PIDD1: variants seen among roughly 807,000 people sequenced by gnomAD.
PIDD1 encodes p53-induced death domain protein 1, also known as p53-induced death domain-containing protein 1.
PIDD1 carries 72 observed loss-of-function variants against 80.0 expected under a neutral mutation model. That is an observed-to-expected ratio of 0.90 (90% CI 0.74 to 1.09). PIDD1 has a LOEUF of 1.09. Ranked by LOEUF, PIDD1 falls within the 50% of genes least tolerant of loss-of-function variation. PIDD1 has a pLI of 0.00. For missense variants in PIDD1, 1,329 were observed against 1,228.3 expected (o/e 1.08, Z -1.23); for synonymous variants, 655 against 543.5 (o/e 1.21, Z -2.85).
chr11:803,917 G>T (rs1331497242), intron 2 of PIDD1, 177 bp downstream of exon 2: 6 of 737,616 alleles, frequency 8.1e-6, no homozygotes, highest in Non-Finnish European at 1.3e-5. Flanking sequence ...TGGGGGTGGT[G>T]ATCACCGAGG....
upstream of PIDD1, chr11:805,300 G>T (rs1423068090): frequency 4.7e-6 from 4 of 848,602 alleles, no homozygotes; most frequent in Non-Finnish European, 5.6e-6. Flanking sequence ...CCGCCCCCTC[G>T]GGACGCGCCC....
rs2063786791 is a variant in PIDD1, at chr11:803,157, G to A, written c.709+17C>T. The stretch of plus-strand genomic sequence containing the variant: ...CCTCCCGTGGGGCCAGTGTGTCGGG[G>A]CGCAGGGGCTACTCACCCAGAGAGG... On this transcript the variant is annotated intron_variant, in intron 3 of 15. Transcript: ENST00000347755. 1 of 1,558,368 alleles carries A rather than the reference G, an allele frequency of 6.4e-7. No homozygotes were observed. The highest frequency in any genetic ancestry group is 8.7e-7 in the Non-Finnish European group (1 of 1,143,566).
chr11:804,232 G>A lies in PIDD1; in HGVS notation c.157C>T (p.Leu53=). 2.5e-6 allele frequency: 4 copies of A among 1,612,966 alleles called. No individual in the cohort carries two copies. The highest frequency in any genetic ancestry group is 1.1e-5 in the South Asian group (1 of 91,088). Reference sequence around the variant, plus strand: ...AGCTGCAGAGGCTGCTGGACACACAGGTGCAGCAGCTGCTGGCAGCCCCCG... The same window carrying A: ...AGCTGCAGAGGCTGCTGGACACACAAGTGCAGCAGCTGCTGGCAGCCCCCG... ...YPGGCQQLLH[L]CVQQPLQLLQ... Residue 53 remains leucine, a synonymous_variant, in exon 2 of 16, where the codon CTG becomes TTG. Transcript: ENST00000347755.
In PIDD1 at chr11:804,435, C is replaced by G. The variant is rs754509687; in HGVS notation, c.-47G>C. On this transcript the variant is annotated 5_prime_UTR_variant, in exon 2 of 16. Coordinates refer to ENST00000347755, the MANE Select transcript of PIDD1 (RefSeq NM_145886.4). ...GGCCAGACATGTCCCAGCACGCAGG[C>G]AGGCCTGTCCAGGCAGCGCCCGGGG... 1.3e-6 allele frequency: 2 copies of G among 1,528,320 alleles called. No individual in the cohort carries two copies. Among genetic ancestry groups the G allele is most frequent in the Non-Finnish European group, 1.8e-6 (2 of 1,140,604 alleles). The allele number at this position is 1,528,320 out of a possible 1,614,324, so 94.7% of individuals were successfully genotyped here.
chr11:806,785 G>A (rs1418670956), upstream of PIDD1, among the ~76,000 whole-genome samples: 9 of 144,604 alleles, frequency 6.2e-5, no homozygotes, highest in Non-Finnish European at 7.8e-5. Flanking sequence ...GGGTTTCACC[G>A]TGTTACCTAG....
chr11:802,411 A>T lies in PIDD1; in HGVS notation c.975-15T>A. On this transcript the variant is annotated splice_polypyrimidine_tract_variant and intron_variant, in intron 5 of 15. Coordinates refer to ENST00000347755, the MANE Select transcript of PIDD1 (RefSeq NM_145886.4). Reference sequence around the variant, plus strand: ...TCACAGGAAAGCTGAGTGAGGAAGGAGCGAGCAACAGGTTAGACCCAGAAG... The same window carrying T: ...TCACAGGAAAGCTGAGTGAGGAAGGTGCGAGCAACAGGTTAGACCCAGAAG... 1 of 1,609,874 alleles carries T rather than the reference A, an allele frequency of 6.2e-7. No individual in the cohort carries two copies. Among genetic ancestry groups the T allele is most frequent in the Non-Finnish European group, 8.5e-7 (1 of 1,177,670 alleles).
chr11:800,604 C>T lies in PIDD1; in HGVS notation c.1980G>A (p.Val660=). The T allele has an allele frequency of 6.3e-7, 1 of 1,599,872 alleles. No individual in the cohort carries two copies. The highest frequency in any genetic ancestry group is 8.5e-7 in the Non-Finnish European group (1 of 1,176,220). ...AGAACTCTTCGCCCTCGAACATCTC[C>T]ACCGTGTCAGAGGGCTCGGGGCCCC... ...RYRGPEPSDT[V]EMFEGEEFFA... Residue 660 remains valine (V), a synonymous_variant, in exon 12 of 16, where the codon GTG becomes GTA. Coordinates refer to ENST00000347755, the MANE Select transcript of PIDD1 (RefSeq NM_145886.4).
At position 802,164 on chromosome 11, in the gene PIDD1, A is replaced by G. The variant is rs770697130; in HGVS notation, c.1176+31T>C. 3.2e-6 allele frequency: 5 copies of G among 1,568,938 alleles called. No homozygotes were observed. The South Asian group carries it at 3.5e-5, about 11-fold the overall frequency. Reference sequence around the variant, plus strand: ...CACTGCCCCTGCCATGCCCTGGCCCACACACTGCCCCCGCCACGCCCTGTC... The same window carrying G: ...CACTGCCCCTGCCATGCCCTGGCCCGCACACTGCCCCCGCCACGCCCTGTC... On this transcript the variant is annotated intron_variant, in intron 6 of 15. Coordinates refer to ENST00000347755, the MANE Select transcript of PIDD1 (RefSeq NM_145886.4).
rs377545520 is a variant in PIDD1 at position 804,410 on chromosome 11, G to A, written c.-22C>T. 7.7e-6 allele frequency: 12 copies of A among 1,564,666 alleles called. No individual in the cohort carries two copies. The East Asian group carries it at 9.0e-5, about 12-fold the overall frequency. On this transcript the variant is annotated 5_prime_UTR_variant, in exon 2 of 16. Coordinates refer to ENST00000347755, the MANE Select transcript of PIDD1 (RefSeq NM_145886.4). ...CCATCGCCCACCGACGGTCCTTGGA[G>A]GCCAGACATGTCCCAGCACGCAGGC...
Position 799,450 on chromosome 11 carries a change from C to T in PIDD1, c.2590G>A (p.Asp864Asn). 6.2e-7 allele frequency: 1 copy of T among 1,610,626 alleles called. No individual in the cohort carries two copies. Reference sequence around the variant, plus strand: ...ACTGCGCGCACCTCTTCAGCCACGTCCTGCCGGTCACTCTGCTCCAGGGCC... The same window carrying T: ...ACTGCGCGCACCTCTTCAGCCACGTTCTGCCGGTCACTCTGCTCCAGGGCC... ...VQALEQSDRQ[D>N]VAEEVRAVLE... The change falls in exon 16 of 16, where the codon GAC (aspartate) becomes AAC (asparagine). Residue 864 changes from aspartate to asparagine, a missense_variant. Physicochemically the swap from Asp to Asn is conservative, Grantham distance 23. Transcript: ENST00000347755.
At chr11:805,843 G>A (rs1371652288), upstream of PIDD1, 2 of 240,134 alleles carry the variant, frequency 8.3e-6, no homozygotes, top group Non-Finnish European at 1.3e-5. Context: ...GCTGACGCCT[G>A]TAATCCCAGC....
chr11:804,417 C>A lies in PIDD1; in HGVS notation c.-29G>T. ...CCACCGACGGTCCTTGGAGGCCAGA[C>A]ATGTCCCAGCACGCAGGCAGGCCTG... On this transcript the variant is annotated 5_prime_UTR_variant, in exon 2 of 16. An upstream start codon of the reference 5' UTR is lost. Transcript: ENST00000347755. 6.4e-7 allele frequency: 1 copy of A among 1,556,838 alleles called. No individual in the cohort carries two copies.
chr11:802,355 C>G lies in PIDD1; in HGVS notation c.1016G>C (p.Cys339Ser), dbSNP rs753705701. 6 of 1,611,832 alleles carry G rather than the reference C, an allele frequency of 3.7e-6. No homozygotes were observed. Among genetic ancestry groups the G allele is most frequent in the Non-Finnish European group, 5.1e-6 (6 of 1,179,854 alleles). ...CGCTGGGAACTGCAGGCGGACGCCA[C>G]AGGCCAGGGTCACTGAGCAGCCTTG... ...TPQGCSVTLA[C>S]GVRLQFPAGA... Residue 339 changes from cysteine (C) to serine (S), a missense_variant, in exon 6 of 16, where the codon TGT becomes TCT. By Grantham distance (112) the Cys-to-Ser change is moderately radical. Coordinates refer to ENST00000347755, the MANE Select transcript of PIDD1 (RefSeq NM_145886.4).
upstream of PIDD1, chr11:806,098 GAAA>G (rs780270179): frequency 6.1e-5 from 6 of 98,546 alleles, no homozygotes; most frequent in South Asian, 3.4e-4. Flanking sequence ...GACTCCGTCT[GAAA>G]AAAAAAAAAA....
At chr11:803,646 C>A in intron 2 of PIDD1, 59 bp from the exon 3 acceptor site, 1 of 1,543,104 alleles carries the variant, frequency 6.5e-7, no homozygotes, top group Non-Finnish European at 8.7e-7. Flanking sequence ...CCCAGATCGA[C>A]CCTGCCAGCC....
In PIDD1 at chr11:804,291, A is replaced by C. The variant is rs777929153; in HGVS notation, c.98T>G (p.Leu33Arg). ...GTCCAAGCTCAGCCGGTTGCCGCCC[A>C]GGAAAGGCAGCGCCCTGGACCCTGC... The part of the protein sequence containing the change: ...SDAGSRALPF[L>R]GGNRLSLDLY... The change falls in exon 2 of 16, where the codon CTG becomes CGG. Residue 33 changes from leucine (L) to arginine (R), a missense_variant. Coordinates refer to ENST00000347755, the MANE Select transcript of PIDD1 (RefSeq NM_145886.4). The C allele has an allele frequency of 6.2e-7, 1 of 1,612,932 alleles. No homozygotes were observed.
At chr11:800,473 A>G (rs754214257) in intron 12 of PIDD1, 22 bp from the exon 13 acceptor site, 1 of 1,611,726 alleles carries the variant, frequency 6.2e-7, no homozygotes, top group South Asian at 1.1e-5. Flanking sequence ...GGGTGGGCTG[A>G]GCAAGGAGGG....
At chr11:803,630 C>T (rs761782167) in intron 2 of PIDD1, 43 bp from the exon 3 acceptor site, 2 of 1,564,162 alleles carry the variant, frequency 1.3e-6, no homozygotes, top group Non-Finnish European at 1.7e-6. Context: ...AGCCAGGGTC[C>T]GAGGTCCCAG....
At position 801,486 on chromosome 11, in the gene PIDD1, G is replaced by A. The variant is rs1427091387; in HGVS notation, c.1441C>T (p.Pro481Ser). 3.2e-6 allele frequency: 5 copies of A among 1,547,450 alleles called. No homozygotes were observed. In the Admixed American group the frequency reaches 5.8e-5, roughly 18 times the overall value. The change falls in exon 8 of 16, where the codon CCC becomes TCC. Residue 481 changes from proline to serine, a missense_variant. Coordinates refer to ENST00000347755, the MANE Select transcript of PIDD1 (RefSeq NM_145886.4). ...CGAGGCTCCTCAGTGGCCCCAGGGG[G>A]GAAGATGACTTTGACCCCAGGATGA... ...SGHPGVKVIF[P>S]PGATEEPRRV...
Sources: gnomAD v4.1 joint callset for allele counts (sites outside exome capture counted in the v4.1 genomes callset) on GRCh38, gnomAD v4.1.1 for gene constraint, MANE v1.5 for transcripts, NCBI Gene and HGNC (gene_info 2026-07-23, HGNC 2026-07-21) for gene names.